Variants in SLC19A1 observed in about 807,000 individuals in gnomAD.
SLC19A1 encodes the protein solute carrier family 19 member 1.
In SLC19A1, 37 loss-of-function variants were observed where a neutral mutation model predicts 35.3. The observed-to-expected ratio is 1.05, with a 90% confidence interval of 0.81 to 1.38. SLC19A1 has a LOEUF of 1.38. SLC19A1 is among the 40% of genes most tolerant of loss of function. The pLI is 0.00. For missense variants in SLC19A1, 831 were observed against 826.9 expected (o/e 1.00, Z -0.06); for synonymous variants, 460 against 398.5 (o/e 1.15, Z -1.84).
At chr21:45,504,272 C>T (rs527965113) in intron 3 of SLC19A1, 24 of 911,350 alleles carry the variant, frequency 2.6e-5, no homozygotes, top group Admixed American at 7.0e-5. Context: ...GGTGGGGAGT[C>T]GAGCCCTATT....
intron 1 of SLC19A1, among the ~76,000 whole-genome samples, chr21:45,557,566 A>G (rs2078575336): frequency 6.6e-6 from 1 of 152,186 alleles, no homozygotes; most frequent in Non-Finnish European, 1.5e-5. Context: ...GCCAGAGCAG[A>G]GGAGCGAGGG....
intron 1 of SLC19A1, among the ~76,000 whole-genome samples, chr21:45,557,723 C>T (rs1246931452): frequency 6.6e-6 from 1 of 152,120 alleles, no homozygotes; most frequent in African/African-American, 2.4e-5. Flanking sequence ...TCTCTTGGAC[C>T]GTGTCCTGCG....
downstream of SLC19A1, chr21:45,510,339 C>T: frequency 6.8e-7 from 1 of 1,465,714 alleles, no homozygotes; most frequent in Non-Finnish European, 9.3e-7. Context: ...GCGGGGAGCT[C>T]CCCTCTAGGG....
chr21:45,545,588 T>G (rs142720497), upstream of SLC19A1, among the ~76,000 whole-genome samples: 601 of 151,940 alleles, frequency 4.0e-3, 5 homozygotes, highest in African/African-American at 0.014. Context: ...ACAGCCCCCC[T>G]CATACGTACA....
At chr21:45,541,305 G>A (rs1602910328) in intron 1 of SLC19A1, among the ~76,000 whole-genome samples, 1 of 152,398 alleles carries the variant, frequency 6.6e-6, no homozygotes, top group East Asian at 1.9e-4. Flanking sequence ...CTGGCTCCCA[G>A]GCCTGGACAG....
At chr21:45,523,670 A>G (rs1456724132) in intron 5 of SLC19A1, among the ~76,000 whole-genome samples, 3 of 152,172 alleles carry the variant, frequency 2.0e-5, no homozygotes, top group African/African-American at 7.2e-5. Context: ...GCAGTCACAG[A>G]GGGATGGAGG....
chr21:45,504,058 G>A (rs1323252653), intron 3 of SLC19A1: 3 of 1,613,486 alleles, frequency 1.9e-6, no homozygotes, highest in Non-Finnish European at 2.5e-6. Flanking sequence ...AATGAAGGTG[G>A]GTGACCTCCC....
rs78231839 is a variant in SLC19A1, at chr21:45,537,412, T to C, written c.189+359A>G. ...CCTGAAGCTGCTCCCCGCCCACCCA[T>C]AGGCGGCCGCCCTGGCACCCAGCAC... On this transcript the variant is annotated intron_variant, in intron 2 of 5. Transcript: ENST00000311124. 1.0e-3 allele frequency among the ~76,000 whole-genome samples: 125 copies of C among 125,566 alleles called. No individual in the cohort carries two copies. In the Middle Eastern group the frequency reaches 0.015, roughly 15 times the overall value. The allele number at this position is 125,566 out of a possible 152,430, so 82.4% of individuals were successfully genotyped here.
rs1175161049 is a variant in SLC19A1 at position 45,513,941 on chromosome 21, C to A, written c.*1717G>T. ...GTGTGCACAGGTACACAGGCATGCA[C>A]GGGTGTGTGGACACACACCAACACT... On this transcript the variant is annotated 3_prime_UTR_variant, in exon 6 of 6. Transcript: ENST00000311124. The A allele has an allele frequency of 6.6e-6, 1 of 152,320 alleles. No homozygotes were observed. Among genetic ancestry groups the A allele is most frequent in the Non-Finnish European group, 1.5e-5 (1 of 68,098 alleles). The allele number at this position is 152,320 out of a possible 1,614,324, so 9.4% of individuals were successfully genotyped here. A position where few individuals can be genotyped will look rare whatever the true frequency, so the allele number is the denominator to read the frequency against.
upstream of SLC19A1, among the ~76,000 whole-genome samples, chr21:45,545,978 G>A (rs543611537): frequency 4.5e-4 from 69 of 152,328 alleles, 1 homozygote; most frequent in South Asian, 1.7e-3. Context: ...CTCCCGCCAG[G>A]CCTTCGCCCC....
chr21:45,514,618 G>A lies in SLC19A1; in HGVS notation c.*1040C>T, dbSNP rs552736082. ...CACCAAGGCCCTGCGTGGGCTGGAG[G>A]CGGGAGAAGGCTGGGACGCCTCTCC... On this transcript the variant is annotated 3_prime_UTR_variant, in exon 6 of 6. Transcript: ENST00000311124. The A allele has an allele frequency of 2.0e-5, 4 of 199,094 alleles. No individual in the cohort carries two copies. The highest frequency in any genetic ancestry group is 1.2e-4 in the Admixed American group (2 of 16,328). 12.3% of individuals were successfully genotyped at this position (199,094 alleles called of 1,614,324 possible). A position where few individuals can be genotyped will look rare whatever the true frequency, so the allele number is the denominator to read the frequency against.
chr21:45,529,554 G>A (rs910686184), intron 4 of SLC19A1, among the ~76,000 whole-genome samples: 4 of 152,154 alleles, frequency 2.6e-5, no homozygotes, highest in African/African-American at 9.7e-5. Flanking sequence ...TGTGTGGTCT[G>A]AGTATGTGGT....
rs757310341 is a variant in SLC19A1 at position 45,515,847 on chromosome 21, C to G, written c.1587G>C (p.Pro529=). The change falls in exon 6 of 6, where the codon CCG becomes CCC. Residue 529 remains proline (P), a synonymous_variant. Transcript: ENST00000311124. ...RQSDPYLAQA[P]APQAAEFLSP... is the part of the protein sequence containing the mutation. ...TCAGGAATTCAGCTGCCTGCGGGGC[C>G]GGGGCCTGGGCCAGGTATGGGTCGC... 7 of 1,599,592 alleles carry G rather than the reference C, an allele frequency of 4.4e-6. No homozygotes were observed. In the South Asian group the frequency reaches 7.8e-5, roughly 18 times the overall value.
At chr21:45,552,451 C>T (rs2078475287) in intron 1 of SLC19A1, among the ~76,000 whole-genome samples, 1 of 152,132 alleles carries the variant, frequency 6.6e-6, no homozygotes. Flanking sequence ...CAGGGAGAGC[C>T]CCTGGGGAGA....
chr21:45,560,507 C>T (rs4818792), intron 1 of SLC19A1, among the ~76,000 whole-genome samples: 10,229 of 87,372 alleles, frequency 0.12, 571 homozygotes, highest in Middle Eastern at 0.25. Flanking sequence ...TTGGAGACGC[C>T]ATGTGGGAAT....
chr21:45,556,724 C>T lies in SLC19A1; in HGVS notation c.-50+6018G>A, dbSNP rs993161511. On this transcript the variant is annotated intron_variant, in intron 1 of 5. Transcript: ENST00000650808. ...ACAGAACAGGACGTTGTCAAGCGCT[C>T]TGTGGCTGATCTGTCTCTGTTGCAC... Among the ~76,000 whole-genome samples the T allele has an allele frequency of 1.2e-4, 19 of 152,290 alleles. No individual in the cohort carries two copies. The South Asian group carries it at 3.7e-3, about 30-fold the overall frequency.
intron 3 of SLC19A1, chr21:45,507,160 G>C (rs1404064369): frequency 4.1e-5 from 6 of 147,150 alleles, no homozygotes; most frequent in South Asian, 3.5e-4. Context: ...TGGGAGGGCC[G>C]GGTGTTGGGG....
Position 45,521,670 on chromosome 21 carries a change from T to C in SLC19A1, c.1293+4147A>G, listed in dbSNP as rs76313933. Among the ~76,000 whole-genome samples the C allele has an allele frequency of 2.8e-3, 427 of 152,348 alleles. 4 individuals are homozygous for C. Among genetic ancestry groups the C allele is most frequent in the African/African-American group, 9.2e-3 (384 of 41,594 alleles). On this transcript the variant is annotated intron_variant, in intron 5 of 5. Transcript: ENST00000311124. ...TGATATTGGTACAAGAGTAAACACA[T>C]AGTTCAATGGAACAGGATAAAAAAC...
At chr21:45,509,519 C>T (rs749512380), downstream of SLC19A1, 61 of 1,534,270 alleles carry the variant, frequency 4.0e-5, no homozygotes, top group Middle Eastern at 1.8e-4. Context: ...CCCGGAGCCC[C>T]GCACCACAGC....
Sources: gnomAD v4.1 joint callset for allele counts (sites outside exome capture counted in the v4.1 genomes callset) on GRCh38, gnomAD v4.1.1 for gene constraint, MANE v1.5 for transcripts, NCBI Gene and HGNC (gene_info 2026-07-23, HGNC 2026-07-21) for gene names.